Variants in LRRC18 observed in about 807,000 individuals in gnomAD.
The protein encoded by LRRC18 is leucine-rich repeat-containing protein 18.
A neutral mutation model predicts 11.2 loss-of-function variants in LRRC18; 12 were observed. The observed-to-expected ratio is 1.07, with a 90% CI of 0.69 to 1.74. The LOEUF is 1.74. LRRC18 is among the 40% of genes most tolerant of loss of function. The pLI, the probability that LRRC18 is intolerant of heterozygous loss-of-function variation, is 0.00. For synonymous variants in LRRC18, 155 were observed against 130.6 expected (o/e 1.19, Z -1.27); for missense variants, 374 against 330.5 (o/e 1.13, Z -1.02).
At chr10:48,911,497 A>G (rs563137486) in intron 1 of LRRC18, among the ~76,000 whole-genome samples, 26 of 152,360 alleles carry the variant, frequency 1.7e-4, no homozygotes, top group Non-Finnish European at 2.5e-4. Context: ...GACTATTCCC[A>G]TTAGTGAAAA....
the LRRC18 span, among the ~76,000 whole-genome samples, chr10:48,924,631 A>G: frequency 6.6e-6 from 1 of 152,156 alleles, no homozygotes; most frequent in South Asian, 2.1e-4. Context: ...ATTTTTTTTT[A>G]TACTTTGGAA....
exon 1 of LRRC18, chr10:48,913,944 T>TTGGAGA: frequency 6.2e-7 from 1 of 1,614,118 alleles, no homozygotes; most frequent in Non-Finnish European, 8.5e-7. Flanking sequence ...GTTCTGGAAC[T>TTGGAGA]TGGAGATGGA....
rs139722198 is a variant in LRRC18 at position 48,914,049 on chromosome 10, T to C, written c.107A>G (p.Lys36Arg). The C allele has an allele frequency of 4.6e-4, 740 of 1,614,236 alleles. 7 individuals carry two copies. In the African/African-American group the frequency reaches 8.1e-3, roughly 18 times the overall value. The change falls in exon 1 of 2, where the codon AAG (lysine) becomes AGG (arginine). Residue 36 changes from lysine (K) to arginine (R), a missense_variant. Coordinates refer to ENST00000374160, the Ensembl canonical transcript of LRRC18. ...CTTGGGGAAGGTGGTAATTCCCATCTTGCTCAAGTCAAGGCGCTTTTTCCC... is the reference window on the plus strand; with the variant it reads ...CTTGGGGAAGGTGGTAATTCCCATCCTGCTCAAGTCAAGGCGCTTTTTCCC...
intron 1 of LRRC18, among the ~76,000 whole-genome samples, chr10:48,911,546 A>G (rs990826743): frequency 6.6e-5 from 10 of 152,242 alleles, no homozygotes; most frequent in South Asian, 4.1e-4. Flanking sequence ...ACTTATAGTT[A>G]TGTATATCCA....
chr10:48,930,962 G>C, the LRRC18 span, among the ~76,000 whole-genome samples: 8,746 of 152,132 alleles, frequency 0.057, 308 homozygotes, highest in Non-Finnish European at 0.087. Context: ...GCTCTCTGAA[G>C]GGACGGTACT....
chr10:48,912,441 T>A (rs1838090445), intron 1 of LRRC18, among the ~76,000 whole-genome samples: 1 of 152,220 alleles, frequency 6.6e-6, no homozygotes, highest in Non-Finnish European at 1.5e-5. Context: ...GACCTAGACC[T>A]GTCCAACCTC....
rs191550753 is a variant in LRRC18, at chr10:48,913,996, C to T, written c.160G>A (p.Glu54Lys). The change falls in exon 1 of 2, where the codon GAG (glutamate) becomes AAG (lysine). Residue 54 changes from glutamate to lysine, a missense_variant. Transcript: ENST00000374160. ...ATAAGATTCCGGCTAAGGTCCAGCT[C>T]GTCCATGTCACTAAGGCGCAGAATA... 31 of 1,614,116 alleles carry T rather than the reference C, an allele frequency of 1.9e-5. No individual in the cohort carries two copies. The Admixed American group carries it at 2.2e-4, about 11-fold the overall frequency.
chr10:48,937,040 C>CCCA, the LRRC18 span, among the ~76,000 whole-genome samples: 1 of 151,578 alleles, frequency 6.6e-6, no homozygotes, highest in East Asian at 2.0e-4. Flanking sequence ...ATTACAGGCA[C>CCCA]CCACCACCAC....
At chr10:48,931,667 T>C in the LRRC18 span, among the ~76,000 whole-genome samples, 1 of 152,210 alleles carries the variant, frequency 6.6e-6, no homozygotes, top group Non-Finnish European at 1.5e-5. Flanking sequence ...ATTGCTTGCA[T>C]GGAAGGCCCT....
At chr10:48,910,390 G>A in intron 1 of LRRC18, 132 bp from the exon 4 acceptor site, 1 of 768,340 alleles carries the variant, frequency 1.3e-6, no homozygotes, top group Admixed American at 1.9e-5. Context: ...TGTGAATGGG[G>A]GTTTTGTTGT....
chr10:48,936,239 A>AT, the LRRC18 span, among the ~76,000 whole-genome samples: 2 of 152,142 alleles, frequency 1.3e-5, no homozygotes, highest in African/African-American at 4.8e-5. Flanking sequence ...TAACTATAAC[A>AT]TTTTTTAATA....
the LRRC18 span, among the ~76,000 whole-genome samples, chr10:48,938,349 G>A: frequency 1.1e-4 from 16 of 152,372 alleles, no homozygotes; most frequent in East Asian, 3.1e-3. Flanking sequence ...GAAGAGGATA[G>A]GCAGAGACCC....
the LRRC18 span, among the ~76,000 whole-genome samples, chr10:48,939,274 G>A: frequency 1.3e-5 from 2 of 152,210 alleles, no homozygotes; most frequent in African/African-American, 4.8e-5. Context: ...AACATCGCCA[G>A]GACCACGCCT....
At chr10:48,929,707 C>T in the LRRC18 span, among the ~76,000 whole-genome samples, 4 of 152,224 alleles carry the variant, frequency 2.6e-5, no homozygotes, top group Admixed American at 2.6e-4. Flanking sequence ...GCCTACTTAG[C>T]ATTTCTTCTT....
chr10:48,934,032 C>T, the LRRC18 span, among the ~76,000 whole-genome samples: 1 of 152,092 alleles, frequency 6.6e-6, no homozygotes, highest in Admixed American at 6.5e-5. Flanking sequence ...CAGTGCCTCC[C>T]ATCTCTCCCT....
chr10:48,933,682 T>C, the LRRC18 span, among the ~76,000 whole-genome samples: 2 of 152,064 alleles, frequency 1.3e-5, no homozygotes, highest in Non-Finnish European at 2.9e-5. Context: ...ATGATACTAG[T>C]AGGGAGCTCA....
At chr10:48,931,489 T>G in the LRRC18 span, among the ~76,000 whole-genome samples, 1 of 152,070 alleles carries the variant, frequency 6.6e-6, no homozygotes, top group Admixed American at 6.5e-5. Context: ...CGTGGCCTGT[T>G]GTGAGAGGGT....
At chr10:48,913,819 G>T (rs1838241991) in exon 1 of LRRC18, 1 of 1,614,128 alleles carries the variant, frequency 6.2e-7, no homozygotes, top group East Asian at 2.2e-5. Context: ...TCCACGGGCA[G>T]CCCGTTGCTG....
upstream of LRRC18, among the ~76,000 whole-genome samples, chr10:48,914,705 A>G (rs148488624): frequency 3.7e-3 from 566 of 152,328 alleles, 3 homozygotes; most frequent in Non-Finnish European, 4.3e-3. Flanking sequence ...ACTAAGACCA[A>G]CTTCTCACAT....
Sources: gnomAD v4.1 joint callset for allele counts (sites outside exome capture counted in the v4.1 genomes callset) on GRCh38, gnomAD v4.1.1 for gene constraint, MANE v1.5 for transcripts, NCBI Gene and HGNC (gene_info 2026-07-23, HGNC 2026-07-21) for gene names.